Variants in ZNF638 observed in about 807,000 individuals in gnomAD.
ZNF638 encodes CTCL tumor antigen se33-1.
A neutral mutation model predicts 195.6 loss-of-function variants in ZNF638; 46 were observed. The observed-to-expected ratio is 0.24, with a 90% CI of 0.19 to 0.30. ZNF638 has a LOEUF of 0.30. ZNF638 is among the 10% of genes least tolerant of loss of function. The pLI is 1.00. For synonymous variants in ZNF638, 845 were observed against 772.0 expected (o/e 1.09, Z -1.57); for missense variants, 2,440 against 2,325.3 (o/e 1.05, Z -1.01).
rs138196368 is a variant in ZNF638 at position 71,423,945 on chromosome 2, G to A, written c.4431G>A (p.Lys1477=). 1.0e-3 allele frequency: 1,639 copies of A among 1,614,090 alleles called. 1 individual carries two copies. The highest frequency in any genetic ancestry group is 1.2e-3 in the Non-Finnish European group (1,363 of 1,179,998). Residue 1477 remains lysine (K), a synonymous_variant, in exon 22 of 28, where the codon AAG becomes AAA. Coordinates refer to ENST00000264447, the MANE Select transcript of ZNF638 (RefSeq NM_014497.5). The part of the protein sequence containing the change: ...GSGRISALQG[K]LSKLDYRDIT... The stretch of plus-strand genomic sequence containing the variant: ...GAAGGATCTCAGCCCTGCAAGGCAA[G>A]CTTTCTAAACTGGATTACAGAGATA...
In ZNF638 at chr2:71,349,514, C is replaced by T. The variant is rs762069453; in HGVS notation, c.560C>T (p.Pro187Leu). Residue 187 changes from proline (P) to leucine (L), a missense_variant, in exon 2 of 28, where the codon CCT becomes CTT. Physicochemically the swap from Pro to Leu is moderately conservative, Grantham distance 98. Around this residue, in one of 5 missense-constraint regions of ZNF638, gnomAD observed 305 missense variants for 283.6 expected, o/e 1.08. Transcript: ENST00000264447. ...ATGCGAAAAATGGGGCGCCGATTAC[C>T]TAATTTACCTTCTCAGAGCAGAAAT... Reference protein sequence around the residue: ...IRMRKMGRRLPNLPSQSRNKE... With the variant: ...IRMRKMGRRLLNLPSQSRNKE... 1 of 1,614,104 alleles carries T rather than the reference C, an allele frequency of 6.2e-7. No individual in the cohort carries two copies. The highest frequency in any genetic ancestry group is 8.5e-7 in the Non-Finnish European group (1 of 1,180,012).
chr2:71,419,912 A>G (rs1042648390), intron 21 of ZNF638, among the ~76,000 whole-genome samples: 2 of 147,006 alleles, frequency 1.4e-5, no homozygotes, highest in Non-Finnish European at 1.5e-5. Context: ...GATGTATTCA[A>G]CCTCATAAAA....
At chr2:71,377,399 A>G (rs1452286356) in intron 8 of ZNF638, among the ~76,000 whole-genome samples, 2 of 152,236 alleles carry the variant, frequency 1.3e-5, no homozygotes, top group Non-Finnish European at 2.9e-5. Flanking sequence ...ATTCATGGGG[A>G]CATTACAATT....
At chr2:71,339,799 T>C (rs991741999) in intron 1 of ZNF638, among the ~76,000 whole-genome samples, 1 of 152,196 alleles carries the variant, frequency 6.6e-6, no homozygotes, top group Non-Finnish European at 1.5e-5. Context: ...ATTTCTTTGT[T>C]CCAGCTTGGA....
chr2:71,419,022 G>A (rs149414700), intron 21 of ZNF638, among the ~76,000 whole-genome samples: 2,245 of 152,048 alleles, frequency 0.015, 56 homozygotes, highest in African/African-American at 0.05. Context: ...ACCTTTTAAC[G>A]TTACTTAATT....
chr2:71,397,470 T>A (rs1369981787), intron 11 of ZNF638, among the ~76,000 whole-genome samples: 1 of 152,192 alleles, frequency 6.6e-6, no homozygotes, highest in African/African-American at 2.4e-5. Context: ...AAACTTTCAG[T>A]TGATTTTTTT....
intron 18 of ZNF638, among the ~76,000 whole-genome samples, 195 bp downstream of exon 18, chr2:71,405,837 A>C (rs527452025): frequency 1.8e-4 from 27 of 152,072 alleles, no homozygotes; most frequent in Middle Eastern, 3.4e-3. Flanking sequence ...AAAATTTTTC[A>C]GGTACTGGAG....
In ZNF638 at chr2:71,411,163, A is replaced by AT. The variant is rs1017330796; in HGVS notation, c.3261+2924dup. Among the ~76,000 whole-genome samples, 17 of 149,556 alleles carry AT rather than the reference A, an allele frequency of 1.1e-4. No homozygotes were observed. The Middle Eastern group carries it at 0.014, about 121-fold the overall frequency. On this transcript the variant is annotated intron_variant, in intron 20 of 27. Transcript: ENST00000264447. The stretch of plus-strand genomic sequence containing the variant: ...CAGGCACGCCCTACCATGCCCACTA[A>AT]TTTTTTTTGTATTTTTAGTAGAAAT...
chr2:71,408,332 T>C (rs3755334), intron 20 of ZNF638, 85 bp downstream of exon 20: 4 of 1,449,994 alleles, frequency 2.8e-6, no homozygotes, highest in East Asian at 2.4e-5. Flanking sequence ...TCAAACTGTT[T>C]CTGTGTTTAG....
rs765546046 is a variant in ZNF638 at position 71,368,438 on chromosome 2, A to G, written c.2052A>G (p.Pro684=). 2.5e-6 allele frequency: 4 copies of G among 1,613,552 alleles called. No individual in the cohort carries two copies. The highest frequency in any genetic ancestry group is 1.3e-5 in the African/African-American group (1 of 74,930). ...CGGTTCTTCTTATAACTGAATTACC[A>G]GAGGATGGTTGTACTGAAGAAGATG... ...YGSVLLITEL[P]EDGCTEEDVR... is the part of the protein sequence containing the mutation. Residue 684 remains proline, a synonymous_variant, in exon 7 of 28, where the codon CCA becomes CCG. Transcript: ENST00000264447.
chr2:71,400,675 G>GA (rs1212675493), intron 15 of ZNF638, among the ~76,000 whole-genome samples, 157 bp downstream of exon 15: 1 of 152,044 alleles, frequency 6.6e-6, no homozygotes, highest in East Asian at 1.9e-4. Flanking sequence ...AAGGAAAAGA[G>GA]AAAAAAATGT....
In ZNF638 at chr2:71,427,267, G is replaced by T. The variant is rs1573174075; in HGVS notation, c.5398G>T (p.Asp1800Tyr). The stretch of plus-strand genomic sequence containing the variant: ...AGTTGAGTTAGCACAAAGCAAAAAT[G>T]ACCATCCCACAGATAAAAAAGGGAA... ...LKVELAQSKN[D>Y]HPTDKKGNRK... The change falls in exon 24 of 28, where the codon GAC (aspartate) becomes TAC (tyrosine). Residue 1800 changes from aspartate to tyrosine, a missense_variant. Asp to Tyr is a radical substitution (Grantham distance 160, BLOSUM62 -3). Coordinates refer to ENST00000264447, the MANE Select transcript of ZNF638 (RefSeq NM_014497.5). The T allele has an allele frequency of 2.5e-6, 4 of 1,613,482 alleles. No individual in the cohort carries two copies. Among genetic ancestry groups the T allele is most frequent in the South Asian group, 2.2e-5 (2 of 90,936 alleles).
chr2:71,404,743 C>A (rs760861530), intron 17 of ZNF638, among the ~76,000 whole-genome samples: 14 of 152,100 alleles, frequency 9.2e-5, no homozygotes, highest in Non-Finnish European at 1.8e-4. Flanking sequence ...CCTCCTGGAC[C>A]TTTTGTATAT....
intron 26 of ZNF638, 83 bp from the exon 27 acceptor site, chr2:71,433,082 G>A (rs1056906469): frequency 2.1e-5 from 24 of 1,129,964 alleles, no homozygotes; most frequent in African/African-American, 4.6e-5. Context: ...GTGAGACTCC[G>A]TCTCAAATAA....
Position 71,337,142 on chromosome 2 carries a change from T to G in ZNF638, c.-203+5267T>G, listed in dbSNP as rs538746668. On this transcript the variant is annotated intron_variant, in intron 1 of 27. Transcript: ENST00000264447. ...CTCTTGCCATATTGCCTATAGTTTT[T>G]TTTTTTTTTTTGACTTTGTATAAAG... Among the ~76,000 whole-genome samples the G allele has an allele frequency of 1.2e-4, 19 of 152,050 alleles. No individual in the cohort carries two copies. The East Asian group carries it at 2.3e-3, about 19-fold the overall frequency.
chr2:71,370,785 A>G (rs1353149366), intron 8 of ZNF638, among the ~76,000 whole-genome samples: 1 of 152,240 alleles, frequency 6.6e-6, no homozygotes, highest in African/African-American at 2.4e-5. Context: ...CACATTATGG[A>G]AAATGGGATA....
chr2:71,352,084 G>GCACT (rs1194936488), intron 2 of ZNF638, among the ~76,000 whole-genome samples: 1 of 152,168 alleles, frequency 6.6e-6, no homozygotes, highest in Non-Finnish European at 1.5e-5. Flanking sequence ...GTTACTAAAT[G>GCACT]CACTAAGTCT....
At chr2:71,393,249 C>G in intron 10 of ZNF638, 1 of 591,500 alleles carries the variant, frequency 1.7e-6, no homozygotes, top group Non-Finnish European at 3.1e-6. Flanking sequence ...AAATTTCAAT[C>G]AACTATAGAA....
intron 7 of ZNF638, among the ~76,000 whole-genome samples, chr2:71,368,872 T>C (rs1023481482): frequency 7.9e-5 from 12 of 152,200 alleles, no homozygotes; most frequent in Non-Finnish European, 1.8e-4. Context: ...TTTACAAAAA[T>C]AGGTAGTATG....
Sources: allele counts gnomAD v4.1 joint callset (sites outside exome capture counted in the v4.1 genomes callset), GRCh38; gene constraint gnomAD v4.1.1; regional missense constraint gnomAD v4.1.1; transcripts MANE v1.5; gene names NCBI Gene and HGNC (gene_info 2026-07-23, HGNC 2026-07-21).